Variants in KLHL32 observed in about 807,000 individuals in gnomAD.
KLHL32 encodes the protein kelch-like protein 32.
In KLHL32, 35 loss-of-function variants were observed where a neutral mutation model predicts 64.8. The observed-to-expected ratio is 0.54, with a 90% CI of 0.41 to 0.72. The LOEUF (loss-of-function observed/expected upper bound fraction) is 0.72, where lower values mean the gene tolerates loss of function less well. Among genes scored for constraint, KLHL32 ranks in the 30% least tolerant of loss-of-function variants. The probability of loss-of-function intolerance (pLI) is 0.00; values close to 1 mark genes in which losing one functional copy is unlikely to be tolerated. For missense variants in KLHL32, 589 were observed against 768.5 expected (o/e 0.77, Z 2.76); for synonymous variants, 259 against 281.0 (o/e 0.92, Z 0.78).
chr6:96,919,857 T>C (rs1156967417), upstream of KLHL32, among the ~76,000 whole-genome samples: 1 of 152,258 alleles, frequency 6.6e-6, no homozygotes, highest in African/African-American at 2.4e-5. Flanking sequence ...CTTTGGTTCC[T>C]GGTGTTTTCT....
chr6:96,956,097 C>A (rs1017989627), intron 1 of KLHL32, among the ~76,000 whole-genome samples: 3 of 152,152 alleles, frequency 2.0e-5, no homozygotes, highest in South Asian at 4.1e-4. Context: ...GCAAAGAGAG[C>A]TTGTGCTGGG....
At chr6:96,898,827 A>C in the KLHL32 span, among the ~76,000 whole-genome samples, 2 of 152,222 alleles carry the variant, frequency 1.3e-5, no homozygotes, top group Admixed American at 1.3e-4. Flanking sequence ...ATCTAAAATA[A>C]AACCCACCAG....
rs59671212 is a variant in KLHL32 at position 97,055,803 on chromosome 6, A to C, written c.313-8825A>C. Among the ~76,000 whole-genome samples, 9 of 94,310 alleles carry C rather than the reference A, an allele frequency of 9.5e-5. 1 individual carries two copies. Among genetic ancestry groups the C allele is most frequent in the African/African-American group, 3.6e-4 (6 of 16,668 alleles). The allele number at this position is 94,310 out of a possible 152,430, so 61.9% of individuals were successfully genotyped here. ...ACAGACTGAGAACCTGTCTAAAAAA[A>C]AAAAAAAAAAAAAAAAAAACCCCTT... is the stretch of plus-strand genomic sequence containing the variant. On this transcript the variant is annotated intron_variant, in intron 4 of 10. Transcript: ENST00000369261.
intron 4 of KLHL32, among the ~76,000 whole-genome samples, chr6:97,044,193 A>G (rs1344767560): frequency 6.6e-6 from 1 of 152,090 alleles, no homozygotes; most frequent in Non-Finnish European, 1.5e-5. Context: ...GAGAGTTTTT[A>G]TCATGATAGG....
At chr6:97,039,089 CAAAAAAA>C (rs535614966) in intron 3 of KLHL32, among the ~76,000 whole-genome samples, 1 of 75,080 alleles carries the variant, frequency 1.3e-5, no homozygotes, top group Non-Finnish European at 2.8e-5. Flanking sequence ...GACTCTGTCT[CAAAAAAA>C]AAAAAAAAAG....
At chr6:97,120,020 A>G (rs914150180) in intron 7 of KLHL32, among the ~76,000 whole-genome samples, 2 of 152,122 alleles carry the variant, frequency 1.3e-5, no homozygotes, top group African/African-American at 4.8e-5. Context: ...ATATATATTA[A>G]TAAGGAAAGA....
chr6:97,053,155 G>A (rs2128138351), intron 4 of KLHL32, among the ~76,000 whole-genome samples: 1 of 151,960 alleles, frequency 6.6e-6, no homozygotes, highest in East Asian at 1.9e-4. Context: ...CTCTTGCTTT[G>A]AGTTATTTTT....
chr6:96,991,052 C>G (rs916828187), intron 3 of KLHL32, among the ~76,000 whole-genome samples: 1 of 152,058 alleles, frequency 6.6e-6, no homozygotes, highest in Admixed American at 6.5e-5. Context: ...CTTGGTGAAG[C>G]GCAGGGGGTC....
rs151218921 is a variant in KLHL32, at chr6:97,027,626, C to T, written c.205-13866C>T. Among the ~76,000 whole-genome samples, 219 of 152,326 alleles carry T rather than the reference C, an allele frequency of 1.4e-3. 1 individual carries two copies. The highest frequency in any genetic ancestry group is 5.0e-3 in the African/African-American group (207 of 41,572). ...TCCTGAAAGTTCTTACCACTGCCAC[C>T]ATTCACAAGCTTAGGATGATTTACT... On this transcript the variant is annotated intron_variant, in intron 3 of 10. Coordinates refer to ENST00000369261, the MANE Select transcript of KLHL32 (RefSeq NM_052904.4).
At chr6:96,899,042 A>G in the KLHL32 span, among the ~76,000 whole-genome samples, 1 of 152,256 alleles carries the variant, frequency 6.6e-6, no homozygotes, top group Non-Finnish European at 1.5e-5. Context: ...AGAAAGGGAA[A>G]GTTTTTTAAA....
chr6:97,067,490 C>T (rs1789978916), intron 5 of KLHL32, among the ~76,000 whole-genome samples: 1 of 152,174 alleles, frequency 6.6e-6, no homozygotes, highest in Admixed American at 6.5e-5. Context: ...CTATAGGTTA[C>T]AGTACCCTCC....
intron 5 of KLHL32, among the ~76,000 whole-genome samples, chr6:97,065,082 C>T (rs983157450): frequency 2.0e-5 from 3 of 152,084 alleles, no homozygotes; most frequent in Non-Finnish European, 4.4e-5. Context: ...TGGAAATAAT[C>T]ACAAATGCAA....
chr6:97,092,456 C>T (rs949516027), intron 6 of KLHL32, among the ~76,000 whole-genome samples: 3 of 152,168 alleles, frequency 2.0e-5, no homozygotes, highest in African/African-American at 4.8e-5. Context: ...AATTTTCTTT[C>T]TGAAACTTTT....
chr6:97,057,645 T>A lies in KLHL32; in HGVS notation c.313-6983T>A, dbSNP rs184013421. ...TTTTTGATATTTTGGATAACATTCC[T>A]TTAGCAGATGTATCTGTTGCAAATA... On this transcript the variant is annotated intron_variant, in intron 4 of 10. Coordinates refer to ENST00000369261, the MANE Select transcript of KLHL32 (RefSeq NM_052904.4). 5.5e-4 allele frequency among the ~76,000 whole-genome samples: 83 copies of A among 152,204 alleles called. 2 individuals are homozygous for A. Among genetic ancestry groups the A allele is most frequent in the Admixed American group, 3.1e-3 (48 of 15,282 alleles).
chr6:97,098,458 T>C (rs1379443250), intron 6 of KLHL32, among the ~76,000 whole-genome samples: 1 of 152,220 alleles, frequency 6.6e-6, no homozygotes, highest in Non-Finnish European at 1.5e-5. Flanking sequence ...AACAATTAAG[T>C]CTATAGATGT....
intron 1 of KLHL32, among the ~76,000 whole-genome samples, chr6:96,955,801 G>C (rs1350282149): frequency 1.3e-5 from 2 of 152,150 alleles, no homozygotes; most frequent in Non-Finnish European, 2.9e-5. Context: ...GCTGGGCGTG[G>C]TGGTGGGTGC....
intron 1 of KLHL32, among the ~76,000 whole-genome samples, chr6:96,935,604 A>G (rs981104329): frequency 6.6e-6 from 1 of 152,208 alleles, no homozygotes; most frequent in Non-Finnish European, 1.5e-5. Context: ...CATCCAGCCA[A>G]AATTATCTTT....
intron 3 of KLHL32, among the ~76,000 whole-genome samples, chr6:97,012,304 A>C (rs1780515364): frequency 6.6e-6 from 1 of 152,226 alleles, no homozygotes; most frequent in African/African-American, 2.4e-5. Flanking sequence ...CAAAGTCCTA[A>C]AGATAGAAGA....
the KLHL32 span, among the ~76,000 whole-genome samples, chr6:96,911,805 A>G: frequency 2.3e-5 from 2 of 87,376 alleles, no homozygotes; most frequent in Non-Finnish European, 4.6e-5. Context: ...TTTTCCATAT[A>G]TCTCCCTGCT....
Sources: allele counts gnomAD v4.1 joint callset (sites outside exome capture counted in the v4.1 genomes callset), GRCh38; gene constraint gnomAD v4.1.1; transcripts MANE v1.5; gene names NCBI Gene and HGNC (gene_info 2026-07-23, HGNC 2026-07-21).